Variants in SH3D21 observed in about 807,000 individuals in gnomAD.
SH3D21 encodes the protein SH3 domain-containing protein 21.
Under a neutral mutation model 82.1 loss-of-function variants are expected in SH3D21, and 83 were observed. The observed-to-expected ratio is 1.01, with a 90% CI of 0.85 to 1.21. The LOEUF is 1.21. Among genes scored for constraint, SH3D21 ranks in the 50% most tolerant of loss-of-function variants. The pLI, the probability that SH3D21 is intolerant of heterozygous loss-of-function variation, is 0.00. For synonymous variants in SH3D21, 383 were observed against 387.8 expected (o/e 0.99, Z 0.15); for missense variants, 980 against 962.1 (o/e 1.02, Z -0.25).
intron 11 of SH3D21, 34 bp downstream of exon 11, chr1:36,319,198 G>A (rs774065099): frequency 1.3e-6 from 2 of 1,549,534 alleles, no homozygotes; most frequent in Middle Eastern, 1.7e-4. Context: ...GGAAGGAGGA[G>A]GGTAGGAGGC....
chr1:36,320,416 G>A lies in SH3D21; in HGVS notation c.1753G>A (p.Ala585Thr). Residue 585 changes from alanine to threonine, a missense_variant, in exon 14 of 16, where the codon GCT becomes ACT. Transcript: ENST00000453908. ...TGAGAAGCCCCACCCCCACGAAGAG[G>A]CTACAACCCTTCCAGAGGAGGCACC... is the stretch of plus-strand genomic sequence containing the variant. ...ALEKPHPHEE[A>T]TTLPEEAPSN... 6 of 1,613,356 alleles carry A rather than the reference G, an allele frequency of 3.7e-6. No individual in the cohort carries two copies. Among genetic ancestry groups the A allele is most frequent in the Non-Finnish European group, 5.1e-6 (6 of 1,179,798 alleles).
rs1646148073 is a variant in SH3D21, at chr1:36,307,308, CG to C, written c.345+24del. On this transcript the variant is annotated intron_variant, in intron 4 of 15. Coordinates refer to ENST00000453908, the MANE Select transcript of SH3D21 (RefSeq NM_001162530.2). The surrounding 1 kb of genome is among the most constrained non-coding windows in gnomAD (Gnocchi z 5.4). The stretch of plus-strand genomic sequence containing the variant: ...GAGGTGAGGGGTGAGGTGATGGGAC[CG>C]TTTGGGGGAGGATGATGGAACGCGC... The C allele has an allele frequency of 6.4e-7, 1 of 1,551,104 alleles. No homozygotes were observed. The highest frequency in any genetic ancestry group is 8.7e-7 in the Non-Finnish European group (1 of 1,146,602).
chr1:36,313,405 C>T (rs1047919876), intron 10 of SH3D21, among the ~76,000 whole-genome samples: 1 of 151,742 alleles, frequency 6.6e-6, no homozygotes, highest in South Asian at 2.1e-4. Flanking sequence ...TCTGTAAATT[C>T]ATCTTGCCAT....
downstream of SH3D21, chr1:36,321,428 A>C (rs546439576): frequency 4.5e-3 from 5,515 of 1,229,120 alleles, 14 homozygotes; most frequent in Non-Finnish European, 5.1e-3. The surrounding 1 kb of genome is among the most constrained non-coding windows in gnomAD (Gnocchi z 6.1). Context: ...CCAGCCGCGC[A>C]CTGGAGAAAT....
intron 10 of SH3D21, among the ~76,000 whole-genome samples, chr1:36,311,119 G>A (rs1417422904): frequency 1.3e-5 from 2 of 152,046 alleles, no homozygotes; most frequent in East Asian, 1.9e-4. Context: ...GTGTTGCCCA[G>A]GCTGGTCTTG....
intron 10 of SH3D21, 59 bp from the exon 11 acceptor site, chr1:36,319,012 A>G (rs1646394368): frequency 1.9e-6 from 2 of 1,043,162 alleles, no homozygotes; most frequent in African/African-American, 3.2e-5. Flanking sequence ...CCCTGCACAC[A>G]GCACAAGACA....
In SH3D21 at chr1:36,307,940, G is replaced by C. The variant is rs1250209354; in HGVS notation, c.515G>C (p.Ser172Thr). 1 of 1,551,726 alleles carries C rather than the reference G, an allele frequency of 6.4e-7. No individual in the cohort carries two copies. Among genetic ancestry groups the C allele is most frequent in the Admixed American group, 2.0e-5 (1 of 50,996 alleles). Residue 172 changes from serine (S) to threonine (T), a missense_variant, in exon 7 of 16, where the codon AGC (serine) becomes ACC (threonine). Physicochemically the swap from Ser to Thr is moderately conservative, Grantham distance 58 (BLOSUM62 1). Transcript: ENST00000453908. The surrounding 1 kb of genome is among the most constrained non-coding windows in gnomAD (Gnocchi z 5.4). ...TAGCTGAGCAGCCTGGCCTATGACA[G>C]CCCTCCAGACTACCTGCAGACAGGT... ...PPKLSSLAYDSPPDYLQTVSH... is the reference protein window; with the variant it reads ...PPKLSSLAYDTPPDYLQTVSH...
chr1:36,321,375 C>T (rs192248653), downstream of SH3D21: 606 of 1,390,414 alleles, frequency 4.4e-4, 10 homozygotes, highest in East Asian at 0.01. The surrounding 1 kb of genome is among the most constrained non-coding windows in gnomAD (Gnocchi z 6.1). Context: ...CTATTTTTAT[C>T]CACCGGATGG....
rs1313493739 is a variant in SH3D21 at position 36,308,467 on chromosome 1, C to T, written c.718C>T (p.Pro240Ser). ...TTTTCCAGACAACTTTGTACTCCCACCACCCCCAGTGAGTACAGAGCCAAG... is the reference window on the plus strand; with the variant it reads ...TTTTCCAGACAACTTTGTACTCCCATCACCCCCAGTGAGTACAGAGCCAAG... ...GVFPDNFVLPPPPIKKLVPRK... is the reference protein window; with the variant it reads ...GVFPDNFVLPSPPIKKLVPRK... The change falls in exon 9 of 16, where the codon CCA becomes TCA. Residue 240 changes from proline to serine, a missense_variant. Pro to Ser is a moderately conservative substitution (Grantham distance 74, BLOSUM62 -1). Transcript: ENST00000453908. 4 of 1,551,432 alleles carry T rather than the reference C, an allele frequency of 2.6e-6. No homozygotes were observed. The African/African-American group carries it at 5.5e-5, about 21-fold the overall frequency.
intron 10 of SH3D21, among the ~76,000 whole-genome samples, chr1:36,315,384 C>T (rs917246953): frequency 1.3e-5 from 2 of 152,022 alleles, no homozygotes; most frequent in East Asian, 1.9e-4. Flanking sequence ...GAGTCTCGCT[C>T]TGTCTCCCAG....
At chr1:36,311,730 TTG>T (rs1046381604) in intron 10 of SH3D21, among the ~76,000 whole-genome samples, 2 of 152,068 alleles carry the variant, frequency 1.3e-5, no homozygotes, top group Non-Finnish European at 2.9e-5. Flanking sequence ...CATTGGGTCT[TTG>T]TTGCCCTGGT....
downstream of SH3D21, among the ~76,000 whole-genome samples, chr1:36,326,451 G>A (rs1324433262): frequency 6.6e-6 from 1 of 152,116 alleles, no homozygotes; most frequent in Non-Finnish European, 1.5e-5. Context: ...GGCTGGTCTC[G>A]AACTTCTGAC....
Position 36,307,573 on chromosome 1 carries a change from C to G in SH3D21, c.402C>G (p.Ser134=), listed in dbSNP as rs1646154552. 1 of 1,551,662 alleles carries G rather than the reference C, an allele frequency of 6.4e-7. No individual in the cohort carries two copies. The highest frequency in any genetic ancestry group is 1.4e-5 in the African/African-American group (1 of 73,144). The change falls in exon 5 of 16, where the codon TCC becomes TCG. Residue 134 remains serine (S), a synonymous_variant. Transcript: ENST00000453908. The surrounding 1 kb of genome is among the most constrained non-coding windows in gnomAD (Gnocchi z 5.4). ...KKNGQLGAFP[S]NFVELLDSGP... ...ACGGGCAGCTGGGAGCCTTCCCATC[C>G]AACTTTGTGGAATTGCTGGACAGTG... is the stretch of plus-strand genomic sequence containing the variant.
rs1434897204 is a variant in SH3D21, at chr1:36,319,051, C to T, written c.770-20C>T. On this transcript the variant is annotated intron_variant, in intron 10 of 15. Coordinates refer to ENST00000453908, the MANE Select transcript of SH3D21 (RefSeq NM_001162530.2). ...CTAGCGACTGTCAGATGGATGAGTGCTCCACTCCTCTCTTCCCAGCTCCTA... is the reference window on the plus strand; with the variant it reads ...CTAGCGACTGTCAGATGGATGAGTGTTCCACTCCTCTCTTCCCAGCTCCTA... 4 of 1,410,816 alleles carry T rather than the reference C, an allele frequency of 2.8e-6. No homozygotes were observed. The highest frequency in any genetic ancestry group is 2.5e-5 in the South Asian group (2 of 81,266). The allele number at this position is 1,410,816 out of a possible 1,614,324, so 87.4% of individuals were successfully genotyped here.
At chr1:36,329,097 T>C (rs1226579266), downstream of SH3D21, 1 of 152,306 alleles carries the variant, frequency 6.6e-6, no homozygotes, top group Non-Finnish European at 1.5e-5. Context: ...TAATGCTTGC[T>C]GTTGCTCCCT....
chr1:36,307,368 GGACGGTGGGAATGGC>G lies in SH3D21; in HGVS notation c.345+91_345+105del. 6.5e-7 allele frequency: 1 copy of G among 1,530,366 alleles called. No homozygotes were observed. Among genetic ancestry groups the G allele is most frequent in the Non-Finnish European group, 8.8e-7 (1 of 1,130,576 alleles). 94.8% of individuals were successfully genotyped at this position (1,530,366 alleles called of 1,614,324 possible). A position where few individuals can be genotyped will look rare whatever the true frequency, so the allele number is the denominator to read the frequency against. ...TGAGCGGGGTGGGAAGTGAGGGTGT[GGACGGTGGGAATGGC>G]GACGGTGCAGATACGGGGAAGCGCG... is the stretch of plus-strand genomic sequence containing the variant. On this transcript the variant is annotated intron_variant, in intron 4 of 15. Coordinates refer to ENST00000453908, the MANE Select transcript of SH3D21 (RefSeq NM_001162530.2). This position sits in a 1 kb window ranked among gnomAD's most constrained non-coding sequence, Gnocchi z 5.4.
chr1:36,308,916 A>G (rs1305226863), intron 9 of SH3D21, among the ~76,000 whole-genome samples: 1 of 151,206 alleles, frequency 6.6e-6, no homozygotes, highest in African/African-American at 2.4e-5. Context: ...GTGCCATTGC[A>G]CTCCAGCCTA....
intron 10 of SH3D21, among the ~76,000 whole-genome samples, chr1:36,314,653 T>C (rs1317189104): frequency 6.6e-6 from 1 of 151,932 alleles, no homozygotes; most frequent in Non-Finnish European, 1.5e-5. Context: ...GATGGGGTTT[T>C]GCCATGTTTC....
chr1:36,307,236 C>T lies in SH3D21; in HGVS notation c.296C>T (p.Ala99Val). Residue 99 changes from alanine (A) to valine (V), a missense_variant, in exon 4 of 16, where the codon GCG becomes GTG. Physicochemically the swap from Ala to Val is moderately conservative, Grantham distance 64 (BLOSUM62 0). Transcript: ENST00000453908. This position sits in a 1 kb window ranked among gnomAD's most constrained non-coding sequence, Gnocchi z 5.4. Reference sequence around the variant, plus strand: ...AACTTCAGCTACAGCCCAGAGCAGGCGGACGAGCTGAAGCTGCAAGCTGGG... The same window carrying T: ...AACTTCAGCTACAGCCCAGAGCAGGTGGACGAGCTGAAGCTGCAAGCTGGG... ...KVNFSYSPEQ[A>V]DELKLQAGEI... The T allele has an allele frequency of 6.4e-7, 1 of 1,551,684 alleles. No homozygotes were observed. Among genetic ancestry groups the T allele is most frequent in the South Asian group, 1.2e-5 (1 of 84,052 alleles).
Sources: gnomAD v4.1 joint callset for allele counts (sites outside exome capture counted in the v4.1 genomes callset) on GRCh38, gnomAD v4.1.1 for gene constraint, Gnocchi (gnomAD v3.1) non-coding constraint, MANE v1.5 for transcripts, NCBI Gene and HGNC (gene_info 2026-07-23, HGNC 2026-07-21) for gene names.